Variants in UBE2V2 observed in about 807,000 individuals in gnomAD.
The protein encoded by UBE2V2 is ubiquitin-conjugating enzyme E2 variant 2.
A neutral mutation model predicts 17.2 loss-of-function variants in UBE2V2; 9 were observed. The observed-to-expected ratio is 0.52, with a 90% CI of 0.32 to 0.91. The LOEUF is 0.91. UBE2V2 is among the 40% of genes least tolerant of loss of function. The pLI is 0.04. For missense variants in UBE2V2, 133 were observed against 182.6 expected, an observed-to-expected ratio of 0.73 and a Z score of 1.56; for synonymous variants, 61 against 57.5, an observed-to-expected ratio of 1.06 and a Z score of -0.28.
chr8:48,040,844 GT>G (rs71225699), intron 1 of UBE2V2, among the ~76,000 whole-genome samples: 58 of 74,128 alleles, frequency 7.8e-4, no homozygotes, highest in Admixed American at 1.8e-3. Context: ...GCCAGGCTGG[GT>G]TTTTTTTTTT....
chr8:48,057,670 G>A (rs2091581899), intron 3 of UBE2V2, among the ~76,000 whole-genome samples: 1 of 151,980 alleles, frequency 6.6e-6, no homozygotes, highest in South Asian at 2.1e-4. Context: ...GGGGAGGTAG[G>A]AGAGGAGGGT....
chr8:48,060,394 T>C (rs1802576294), intron 3 of UBE2V2, among the ~76,000 whole-genome samples: 1 of 152,034 alleles, frequency 6.6e-6, no homozygotes, highest in African/African-American at 2.4e-5. Context: ...CCTTACTCCA[T>C]TAAGAAAGAA....
chr8:48,012,740 G>A (rs1472481892), intron 1 of UBE2V2, among the ~76,000 whole-genome samples: 4 of 151,922 alleles, frequency 2.6e-5, no homozygotes, highest in South Asian at 2.1e-4. Context: ...GAAAAAAAGC[G>A]TGTGCAATAG....
chr8:48,061,500 G>T lies in UBE2V2; in HGVS notation c.*672G>T, dbSNP rs1007715412. 6 of 152,558 alleles carry T rather than the reference G, an allele frequency of 3.9e-5. No homozygotes were observed. The highest frequency in any genetic ancestry group is 8.8e-5 in the Non-Finnish European group (6 of 68,018). 9.5% of individuals were successfully genotyped at this position (152,558 alleles called of 1,614,324 possible). A position where few individuals can be genotyped will look rare whatever the true frequency, so the allele number is the denominator to read the frequency against. On this transcript the variant is annotated 3_prime_UTR_variant, in exon 4 of 4. Transcript: ENST00000523111. ...AGTGAAGTCAACAAAAAGGAAATAG[G>T]TGTATGGATATGTGATTTTGAGATT...
chr8:48,013,855 C>T (rs556925093), intron 1 of UBE2V2, among the ~76,000 whole-genome samples: 16 of 152,260 alleles, frequency 1.1e-4, no homozygotes, highest in Middle Eastern at 3.4e-3. Context: ...TCTGAGTTCC[C>T]TGCTGCCCCT....
intron 2 of UBE2V2, among the ~76,000 whole-genome samples, chr8:48,045,718 G>A (rs750580477): frequency 1.3e-5 from 2 of 152,194 alleles, no homozygotes; most frequent in Non-Finnish European, 2.9e-5. Flanking sequence ...CAAAGGCACA[G>A]GCTTCTTCTG....
Position 48,062,300 on chromosome 8 carries a change from T to TTATAAAG in UBE2V2, c.*1476_*1482dup, listed in dbSNP as rs1215499712. On this transcript the variant is annotated 3_prime_UTR_variant, in exon 4 of 4. Transcript: ENST00000523111. The stretch of plus-strand genomic sequence containing the variant: ...ATTAAATTAGTTGTTTAAACTTTGC[T>TTATAAAG]TATAAAGTATTGGCCATGTGGTGGC... 1 of 152,176 alleles carries TTATAAAG rather than the reference T, an allele frequency of 6.6e-6. No homozygotes were observed. Among genetic ancestry groups the TTATAAAG allele is most frequent in the East Asian group, 1.9e-4 (1 of 5,196 alleles). 9.4% of individuals were successfully genotyped at this position (152,176 alleles called of 1,614,324 possible).
intron 2 of UBE2V2, among the ~76,000 whole-genome samples, chr8:48,048,018 CAAAA>C (rs2091511193): frequency 9.7e-6 from 1 of 103,414 alleles, no homozygotes; most frequent in African/African-American, 3.8e-5. Context: ...TTTTTTTAAA[CAAAA>C]GGAATTGAGG....
At chr8:48,047,192 C>T (rs979402379) in intron 2 of UBE2V2, among the ~76,000 whole-genome samples, 13 of 151,436 alleles carry the variant, frequency 8.6e-5, no homozygotes, top group South Asian at 6.3e-4. Flanking sequence ...CCACTCCCTT[C>T]GGCCTCCCAA....
At chr8:48,014,570 G>A (rs951999901) in intron 1 of UBE2V2, among the ~76,000 whole-genome samples, 3 of 151,056 alleles carry the variant, frequency 2.0e-5, no homozygotes, top group Non-Finnish European at 4.4e-5. Flanking sequence ...GTGTGAACCT[G>A]GGAGTCGAAG....
At chr8:48,030,394 T>G (rs769586355) in intron 1 of UBE2V2, among the ~76,000 whole-genome samples, 6 of 152,170 alleles carry the variant, frequency 3.9e-5, no homozygotes, top group Non-Finnish European at 5.9e-5. Flanking sequence ...TGTCAGAGAT[T>G]TAATAATGAG....
intron 3 of UBE2V2, among the ~76,000 whole-genome samples, chr8:48,058,647 A>T (rs915761376): frequency 5.9e-5 from 9 of 151,482 alleles, no homozygotes; most frequent in Non-Finnish European, 1.3e-4. Flanking sequence ...TCATCTTAGG[A>T]GGAAAGTATT....
In UBE2V2 at chr8:48,063,624, TA is replaced by T. The variant is rs1166783381; in HGVS notation, c.*2797del. ...TTTAAGAATTGACAATTTTTAAAAATATTTTTTTCTACCATTCTAAAGTAAT... is the reference window on the plus strand; with the variant it reads ...TTTAAGAATTGACAATTTTTAAAAATTTTTTTTCTACCATTCTAAAGTAAT... On this transcript the variant is annotated 3_prime_UTR_variant, in exon 4 of 4. Coordinates refer to ENST00000523111, the MANE Select transcript of UBE2V2 (RefSeq NM_003350.3). 4 of 152,340 alleles carry T rather than the reference TA, an allele frequency of 2.6e-5. No homozygotes were observed. The East Asian group carries it at 5.8e-4, about 22-fold the overall frequency. The allele number at this position is 152,340 out of a possible 1,614,324, so 9.4% of individuals were successfully genotyped here.
chr8:48,026,291 T>C (rs991754827), intron 1 of UBE2V2, among the ~76,000 whole-genome samples: 1 of 152,154 alleles, frequency 6.6e-6, no homozygotes, highest in African/African-American at 2.4e-5. Context: ...TAAAGTTCTA[T>C]GGAAAAGGGC....
At chr8:48,006,173 CTTGAG>C (rs2091181785), upstream of UBE2V2, among the ~76,000 whole-genome samples, 1 of 152,152 alleles carries the variant, frequency 6.6e-6, no homozygotes, top group Non-Finnish European at 1.5e-5. Context: ...TTTAATCCAT[CTTGAG>C]TTAATTTTTG....
intron 1 of UBE2V2, among the ~76,000 whole-genome samples, chr8:48,022,164 T>C (rs552679822): frequency 1.3e-5 from 2 of 149,496 alleles, no homozygotes; most frequent in Non-Finnish European, 3.0e-5. Context: ...TTGGAGACAG[T>C]GTCGTTCTTG....
At chr8:48,032,140 G>A (rs2091387730) in intron 1 of UBE2V2, among the ~76,000 whole-genome samples, 1 of 152,060 alleles carries the variant, frequency 6.6e-6, no homozygotes, top group African/African-American at 2.4e-5. Context: ...CCACATTGAG[G>A]TGAATATATA....
At chr8:48,009,065 G>A (rs1442927082) in intron 1 of UBE2V2, among the ~76,000 whole-genome samples, 2 of 152,160 alleles carry the variant, frequency 1.3e-5, no homozygotes, top group Non-Finnish European at 2.9e-5. Context: ...CAAGATGAAA[G>A]CTAATTGAAG....
intron 1 of UBE2V2, among the ~76,000 whole-genome samples, chr8:48,010,552 C>A (rs1318278631): frequency 1.3e-5 from 2 of 151,788 alleles, no homozygotes; most frequent in African/African-American, 4.8e-5. Flanking sequence ...CAGGCGCGTG[C>A]CACCATGCCC....
Sources: allele counts gnomAD v4.1 joint callset (sites outside exome capture counted in the v4.1 genomes callset), GRCh38; gene constraint gnomAD v4.1.1; transcripts MANE v1.5; gene names NCBI Gene and HGNC (gene_info 2026-07-23, HGNC 2026-07-21).